TTLL10: variants seen among roughly 807,000 people sequenced by gnomAD.
TTLL10 encodes inactive polyglycylase TTLL10.
TTLL10 carries 61 observed loss-of-function variants against 69.0 expected under a neutral mutation model. That is an observed-to-expected ratio of 0.88 (90% CI 0.72 to 1.09). TTLL10 has a LOEUF of 1.09. TTLL10 is among the 50% of genes least tolerant of loss of function. The probability of loss-of-function intolerance (pLI) is 0.00; values close to 1 mark genes in which losing one functional copy is unlikely to be tolerated. For missense variants in TTLL10, 962 were observed against 945.9 expected, an observed-to-expected ratio of 1.02 and a Z score of -0.22; for synonymous variants, 408 against 393.3, an observed-to-expected ratio of 1.04 and a Z score of -0.44.
chr1:1,183,710 A>G (rs1164495362), intron 11 of TTLL10, among the ~76,000 whole-genome samples: 1 of 152,188 alleles, frequency 6.6e-6, no homozygotes, highest in Non-Finnish European at 1.5e-5. Context: ...TACTGCGGTT[A>G]TGCCCTGGAG....
chr1:1,189,565 A>T (rs915073640), intron 13 of TTLL10, among the ~76,000 whole-genome samples: 1 of 152,094 alleles, frequency 6.6e-6, no homozygotes, highest in Non-Finnish European at 1.5e-5. Flanking sequence ...CTTTTCTCGA[A>T]TGTCTTTGCC....
rs563227574 is a variant in TTLL10 at position 1,178,436 on chromosome 1, C to T, written c.-27-753C>T. Among the ~76,000 whole-genome samples the T allele has an allele frequency of 5.9e-5, 9 of 152,162 alleles. No individual in the cohort carries two copies. The South Asian group carries it at 1.9e-3, about 32-fold the overall frequency. On this transcript the variant is annotated intron_variant, in intron 3 of 15. Coordinates refer to ENST00000379289, the MANE Select transcript of TTLL10 (RefSeq NM_001130045.2). ...GTTAGCTGGGCATGGTGGTGGGTGC[C>T]TGTAGTCCCAGCTACCTGGGAGGCT...
chr1:1,177,804 G>A (rs936950067), intron 3 of TTLL10, among the ~76,000 whole-genome samples: 17 of 152,178 alleles, frequency 1.1e-4, no homozygotes, highest in Admixed American at 7.2e-4. Context: ...CACCTGCTCC[G>A]TGCCTGCGCA....
intron 13 of TTLL10, among the ~76,000 whole-genome samples, chr1:1,191,332 C>T (rs192165788): frequency 3.3e-5 from 5 of 152,164 alleles, no homozygotes; most frequent in African/African-American, 4.8e-5. Flanking sequence ...TGGCACATAC[C>T]TGTAATTCCA....
intron 13 of TTLL10, among the ~76,000 whole-genome samples, chr1:1,186,532 C>T (rs1184693833): frequency 1.3e-5 from 2 of 152,124 alleles, no homozygotes; most frequent in Non-Finnish European, 2.9e-5. Flanking sequence ...TATATATTTT[C>T]AGTGCTCCTG....
At position 1,196,727 on chromosome 1, in the gene TTLL10, G is replaced by C. The variant is rs927422154; in HGVS notation, c.1518+11G>C. The stretch of plus-strand genomic sequence containing the variant: ...GATGACAACTTCAAGGTGCTGTCCT[G>C]GGCGGCGGGGGGCACAGTAGACAGA... On this transcript the variant is annotated intron_variant, in intron 14 of 15. Transcript: ENST00000379289. The C allele has an allele frequency of 5.3e-6, 8 of 1,515,140 alleles. 1 individual carries two copies. The highest frequency in any genetic ancestry group is 2.4e-5 in the South Asian group (2 of 83,262). The allele number at this position is 1,515,140 out of a possible 1,614,324, so 93.9% of individuals were successfully genotyped here.
chr1:1,177,472 C>T (rs1242707487), intron 3 of TTLL10, among the ~76,000 whole-genome samples: 4 of 152,172 alleles, frequency 2.6e-5, no homozygotes, highest in South Asian at 2.1e-4. Flanking sequence ...ACACCATGCC[C>T]GGCTAATTTT....
rs755384103 is a variant in TTLL10, at chr1:1,182,406, C to A, written c.876C>A (p.Asp292Glu). 1.9e-6 allele frequency: 3 copies of A among 1,613,862 alleles called. No homozygotes were observed. The highest frequency in any genetic ancestry group is 3.3e-5 in the Admixed American group (2 of 60,014). ...EEFFPETYRL[D>E]LKHEREAFFT... is the part of the protein sequence containing the mutation. ...TTTTCCCAGAGACCTACCGCCTGGA[C>A]CTCAAACACGAGAGAGAGGCCTTTT... Residue 292 changes from aspartate (D) to glutamate (E), a missense_variant, in exon 10 of 16, where the codon GAC becomes GAA. Transcript: ENST00000379289.
Position 1,180,329 on chromosome 1 carries a change from C to T in TTLL10, c.495C>T (p.Asn165=), listed in dbSNP as rs763613822. 9.5e-6 allele frequency: 15 copies of T among 1,573,894 alleles called. No individual in the cohort carries two copies. Among genetic ancestry groups the T allele is most frequent in the Admixed American group, 1.8e-5 (1 of 54,808 alleles). Residue 165 remains asparagine (N), a synonymous_variant, in exon 6 of 16, where the codon AAC becomes AAT. Transcript: ENST00000379289. ...CCTTCTTCTACATTGGAGGCAGCAA[C>T]GGGGCCACAATGTGAGTAGCGGCCC... ...PGPFFYIGGS[N]GATIISSYCK... is the part of the protein sequence containing the mutation.
chr1:1,178,087 C>T (rs537042581), intron 3 of TTLL10, among the ~76,000 whole-genome samples: 4 of 152,316 alleles, frequency 2.6e-5, no homozygotes, highest in East Asian at 1.9e-4. Flanking sequence ...GTCACTCAGG[C>T]GGGGCAGGGA....
chr1:1,195,291 C>T (rs1412553735), intron 13 of TTLL10, among the ~76,000 whole-genome samples: 2 of 152,088 alleles, frequency 1.3e-5, no homozygotes, highest in Admixed American at 6.5e-5. Flanking sequence ...TGCACCCGGC[C>T]TCCTTTTTCT....
chr1:1,186,147 G>A (rs544887915), intron 13 of TTLL10, among the ~76,000 whole-genome samples: 106 of 150,892 alleles, frequency 7.0e-4, no homozygotes, highest in African/African-American at 2.4e-3. Flanking sequence ...GGAGTACAGT[G>A]GCACAATCTC....
intron 3 of TTLL10, among the ~76,000 whole-genome samples, chr1:1,177,042 G>A (rs181245997): frequency 4.0e-5 from 6 of 151,778 alleles, no homozygotes; most frequent in East Asian, 1.9e-4. Context: ...GTGTGTCAGC[G>A]TCTGTGTGTG....
chr1:1,178,664 T>G (rs1646944893), intron 3 of TTLL10, among the ~76,000 whole-genome samples: 1 of 152,018 alleles, frequency 6.6e-6, no homozygotes, highest in Non-Finnish European at 1.5e-5. Context: ...TGAAAATTCC[T>G]AAGTTGCAAC....
At chr1:1,174,584 C>T (rs572846085) in intron 3 of TTLL10, 95 bp downstream of exon 3, 1 of 152,340 alleles carries the variant, frequency 6.6e-6, no homozygotes, top group African/African-American at 2.4e-5. Context: ...TCACAACCGT[C>T]CTCCACACCG....
At position 1,197,547 on chromosome 1, in the gene TTLL10, G is replaced by C. The variant is rs1273046322; in HGVS notation, c.1722G>C (p.Pro574=). 1.1e-5 allele frequency: 17 copies of C among 1,521,122 alleles called. No homozygotes were observed. The highest frequency in any genetic ancestry group is 1.5e-5 in the Non-Finnish European group (17 of 1,138,726). 94.2% of individuals were successfully genotyped at this position (1,521,122 alleles called of 1,614,324 possible). A position where few individuals can be genotyped will look rare whatever the true frequency, so the allele number is the denominator to read the frequency against. The change falls in exon 16 of 16, where the codon CCG becomes CCC. Residue 574 remains proline (P), a synonymous_variant. Coordinates refer to ENST00000379289, the MANE Select transcript of TTLL10 (RefSeq NM_001130045.2). ...LLHNGEADPR[P]HLGGSCSLRR... is the part of the protein sequence containing the mutation. ...ACAACGGTGAGGCCGACCCGCGGCC[G>C]CACCTGGGGGGCTCGTGCAGCCTCC...
At position 1,183,065 on chromosome 1, in the gene TTLL10, C is replaced by G; in HGVS notation, c.1088+18C>G. On this transcript the variant is annotated intron_variant, in intron 11 of 15. Transcript: ENST00000379289. ...GTGCAGAGGTGCGGCGGCGGGTGCC[C>G]GGAGGGGTGAGGGTCTGGGCTGGCT... The G allele has an allele frequency of 6.3e-7, 1 of 1,576,274 alleles. No homozygotes were observed. The highest frequency in any genetic ancestry group is 8.6e-7 in the Non-Finnish European group (1 of 1,161,704).
At chr1:1,178,006 C>T (rs1212513109) in intron 3 of TTLL10, among the ~76,000 whole-genome samples, 1 of 152,232 alleles carries the variant, frequency 6.6e-6, no homozygotes, top group African/African-American at 2.4e-5. Context: ...ACTGGGTCAT[C>T]GTGCAGACGG....
chr1:1,185,885 T>C lies in TTLL10; in HGVS notation c.1401+776T>C, dbSNP rs1392470899. 2.1e-5 allele frequency: 20 copies of C among 964,182 alleles called. No homozygotes were observed. The highest frequency in any genetic ancestry group is 2.5e-5 in the Non-Finnish European group (20 of 810,634). 59.7% of individuals were successfully genotyped at this position (964,182 alleles called of 1,614,324 possible). A position where few individuals can be genotyped will look rare whatever the true frequency, so the allele number is the denominator to read the frequency against. Reference sequence around the variant, plus strand: ...TTAAAGTGTGCAGTTCAGTGGCTTTTAGTATTTCAAAAGTTGTGCAATTAT... The same window carrying C: ...TTAAAGTGTGCAGTTCAGTGGCTTTCAGTATTTCAAAAGTTGTGCAATTAT... On this transcript the variant is annotated intron_variant, in intron 13 of 15. Transcript: ENST00000379289. The surrounding 1 kb of genome is among the most constrained non-coding windows in gnomAD (Gnocchi z 6.1).
Sources: allele counts gnomAD v4.1 joint callset (sites outside exome capture counted in the v4.1 genomes callset), GRCh38; gene constraint gnomAD v4.1.1; non-coding constraint Gnocchi (gnomAD v3.1); transcripts MANE v1.5; gene names NCBI Gene and HGNC (gene_info 2026-07-23, HGNC 2026-07-21).